The following KCNIP4 variants were observed in gnomAD, a reference collection of about 807,000 sequenced individuals.
KCNIP4 encodes Kv channel-interacting protein 4.
Under a neutral mutation model 34.0 loss-of-function variants are expected in KCNIP4, and 12 were observed. The ratio of observed to expected loss-of-function variants is 0.35; its 90% CI spans 0.23 to 0.57. The LOEUF is 0.57. KCNIP4 is among the 20% of genes least tolerant of loss of function. KCNIP4 has a pLI of 0.83. For missense variants in KCNIP4, 238 were observed against 311.7 expected, an observed-to-expected ratio of 0.76 and a Z score of 1.78; for synonymous variants, 124 against 102.2, an observed-to-expected ratio of 1.21 and a Z score of -1.29.
rs114638295 is a variant in KCNIP4 at position 21,696,037 on chromosome 4, C to A, written c.61+252534G>T. On this transcript the variant is annotated intron_variant, in intron 1 of 8. Transcript: ENST00000382152. ...CGAGTTGGCAAAAGTCAGATACAGA[C>A]TCTCAATGATTATTCCTTAAAGAAT... is the stretch of plus-strand genomic sequence containing the variant. 7.4e-3 allele frequency among the ~76,000 whole-genome samples: 1,123 copies of A among 152,176 alleles called. 10 individuals are homozygous for A. Among genetic ancestry groups the A allele is most frequent in the African/African-American group, 0.024 (1,012 of 41,546 alleles).
intron 1 of KCNIP4, among the ~76,000 whole-genome samples, chr4:21,424,299 A>C (rs181038455): frequency 6.6e-6 from 1 of 151,184 alleles, no homozygotes; most frequent in Non-Finnish European, 1.5e-5. Context: ...TTGGCTGGGC[A>C]TGGTGGCTCA....
chr4:21,103,290 C>G (rs73103613), intron 1 of KCNIP4, among the ~76,000 whole-genome samples: 42,571 of 145,708 alleles, frequency 0.29, 6,811 homozygotes, highest in African/African-American at 0.44. Flanking sequence ...AATTACATGA[C>G]ATTATATATA....
intron 1 of KCNIP4, among the ~76,000 whole-genome samples, chr4:21,019,012 A>C (rs1004383712): frequency 1.3e-5 from 2 of 152,198 alleles, no homozygotes; most frequent in East Asian, 1.9e-4. Context: ...CTCTTCTAGC[A>C]GCTAAAAATC....
rs573912486 is a variant in KCNIP4 at position 21,635,852 on chromosome 4, C to T, written c.61+312719G>A. Among the ~76,000 whole-genome samples, 327 of 151,074 alleles carry T rather than the reference C, an allele frequency of 2.2e-3. 2 individuals are homozygous for T. Among genetic ancestry groups the T allele is most frequent in the African/African-American group, 7.2e-3 (298 of 41,378 alleles). ...GACACATGCACACGTATGTTTATTG[C>T]GGCATTATTCACAATAGCAAAGACT... On this transcript the variant is annotated intron_variant, in intron 1 of 8. Transcript: ENST00000382152.
chr4:20,856,048 T>A (rs1577259414), intron 2 of KCNIP4, among the ~76,000 whole-genome samples: 1 of 152,200 alleles, frequency 6.6e-6, no homozygotes, highest in East Asian at 1.9e-4. Context: ...TTCAATTTTC[T>A]CCTTCATTCA....
intron 1 of KCNIP4, among the ~76,000 whole-genome samples, chr4:21,428,425 C>A (rs543082870): frequency 6.6e-6 from 1 of 152,188 alleles, no homozygotes; most frequent in Admixed American, 6.6e-5. Flanking sequence ...GTTTCTTCAA[C>A]TGATATTTTT....
chr4:21,789,914 A>C (rs1419156480), intron 1 of KCNIP4, among the ~76,000 whole-genome samples: 1 of 152,208 alleles, frequency 6.6e-6, no homozygotes, highest in African/African-American at 2.4e-5. Context: ...CGTTTGTTTT[A>C]AAGGAAATTG....
At chr4:21,913,075 C>T (rs2108985234) in intron 1 of KCNIP4, among the ~76,000 whole-genome samples, 1 of 152,024 alleles carries the variant, frequency 6.6e-6, no homozygotes, top group South Asian at 2.1e-4. Context: ...AATGTGCCCC[C>T]TCCAAAATGC....
intron 1 of KCNIP4, among the ~76,000 whole-genome samples, chr4:20,961,581 T>C (rs568063011): frequency 4.0e-4 from 61 of 152,288 alleles, no homozygotes; most frequent in African/African-American, 1.4e-3. Flanking sequence ...TCAATTTCCA[T>C]TAGTGTTTCA....
chr4:21,779,348 C>T (rs10022757), intron 1 of KCNIP4, among the ~76,000 whole-genome samples: 13,960 of 145,638 alleles, frequency 0.096, 2,190 homozygotes, highest in African/African-American at 0.37. Context: ...ACTATAGTAA[C>T]TGTAGCCTGA....
chr4:21,257,749 C>CAAAA (rs34379604), intron 1 of KCNIP4, among the ~76,000 whole-genome samples: 1 of 103,488 alleles, frequency 9.7e-6, no homozygotes. Context: ...GACTCAGTCT[C>CAAAA]AAAAAAAAAA....
intron 1 of KCNIP4, among the ~76,000 whole-genome samples, chr4:21,237,255 C>G (rs1759435324): frequency 6.6e-6 from 1 of 152,068 alleles, no homozygotes; most frequent in African/African-American, 2.4e-5. Flanking sequence ...ATAAACGAAA[C>G]AAGTTAGACA....
At chr4:21,905,851 T>A (rs181174793) in intron 1 of KCNIP4, among the ~76,000 whole-genome samples, 1 of 152,210 alleles carries the variant, frequency 6.6e-6, no homozygotes, top group East Asian at 1.9e-4. Flanking sequence ...CATCTATATG[T>A]AAGTTGACTG....
intron 1 of KCNIP4, among the ~76,000 whole-genome samples, chr4:21,227,576 G>T (rs1481518109): frequency 6.6e-6 from 1 of 152,054 alleles, no homozygotes; most frequent in Non-Finnish European, 1.5e-5. Context: ...ACCTCTTGCT[G>T]CTTTTGCCTG....
intron 1 of KCNIP4, among the ~76,000 whole-genome samples, chr4:21,618,753 C>T (rs1744789975): frequency 6.6e-6 from 1 of 150,686 alleles, no homozygotes; most frequent in Admixed American, 6.6e-5. Context: ...CTGCCTCAGC[C>T]TCCCTAGTAG....
At position 21,892,406 on chromosome 4, in the gene KCNIP4, G is replaced by A. The variant is rs895242944; in HGVS notation, c.61+56165C>T. ...CAGGGCAGGGCAGTTAGTGACTGTT[G>A]TAGAACAATAGGGAAGTTTTTGTGG... On this transcript the variant is annotated intron_variant, in intron 1 of 8. Coordinates refer to ENST00000382152, the MANE Select transcript of KCNIP4 (RefSeq NM_025221.6). Among the ~76,000 whole-genome samples, 9 of 151,728 alleles carry A rather than the reference G, an allele frequency of 5.9e-5. No individual in the cohort carries two copies. The East Asian group carries it at 1.7e-3, about 29-fold the overall frequency.
intron 3 of KCNIP4, among the ~76,000 whole-genome samples, chr4:20,785,578 T>C (rs1711871872): frequency 6.6e-6 from 1 of 152,100 alleles, no homozygotes; most frequent in African/African-American, 2.4e-5. Flanking sequence ...CATACCCTGG[T>C]TCTAAGATCA....
At chr4:21,193,662 C>A (rs1755845948) in intron 1 of KCNIP4, among the ~76,000 whole-genome samples, 1 of 151,038 alleles carries the variant, frequency 6.6e-6, no homozygotes, top group Admixed American at 6.6e-5. Context: ...AGCTCCGCCT[C>A]CTGGGTTCAC....
At chr4:21,108,133 T>A (rs1199766582) in intron 1 of KCNIP4, among the ~76,000 whole-genome samples, 2 of 151,510 alleles carry the variant, frequency 1.3e-5, no homozygotes, top group African/African-American at 4.9e-5. Context: ...ATTTCCTGTA[T>A]CTGAATATTG....
Sources: allele counts gnomAD v4.1 joint callset (sites outside exome capture counted in the v4.1 genomes callset), GRCh38; gene constraint gnomAD v4.1.1; transcripts MANE v1.5; gene names NCBI Gene and HGNC (gene_info 2026-07-23, HGNC 2026-07-21).